The following PKHD1 variants were observed in gnomAD, a reference collection of about 807,000 sequenced individuals.
PKHD1 encodes PKHD1 ciliary IPT domain containing fibrocystin/polyductin.
In PKHD1, 291 loss-of-function variants were observed where a neutral mutation model predicts 412.0. The ratio of observed to expected loss-of-function variants is 0.71; its 90% CI spans 0.64 to 0.78. The LOEUF (loss-of-function observed/expected upper bound fraction) is 0.78, where lower values mean the gene tolerates loss of function less well. PKHD1 is among the 30% of genes least tolerant of loss of function. PKHD1 has a pLI of 0.00. For missense variants in PKHD1, 4,825 were observed against 4,950.7 expected (o/e 0.97, Z 0.76); for synonymous variants, 1,777 against 1,821.5 (o/e 0.98, Z 0.62).
intron 61 of PKHD1, among the ~76,000 whole-genome samples, chr6:51,657,630 A>G (rs1581880906): frequency 2.0e-5 from 3 of 152,266 alleles, no homozygotes; most frequent in Non-Finnish European, 4.4e-5. Flanking sequence ...GGCTATGACA[A>G]ATGGTGGGTG....
chr6:52,084,716 C>G (rs1162480253), intron 2 of PKHD1, among the ~76,000 whole-genome samples, 166 bp downstream of exon 2: 1 of 152,186 alleles, frequency 6.6e-6, no homozygotes, highest in Admixed American at 6.5e-5. Flanking sequence ...AATACCTTAA[C>G]ACCTGCTCTG....
At chr6:51,671,329 G>C (rs2150503381) in intron 60 of PKHD1, among the ~76,000 whole-genome samples, 1 of 152,178 alleles carries the variant, frequency 6.6e-6, no homozygotes, top group South Asian at 2.1e-4. Context: ...CTGTCTTCCA[G>C]TTGATCGCAT....
intron 48 of PKHD1, among the ~76,000 whole-genome samples, chr6:51,865,124 G>T (rs1357840567): frequency 6.6e-6 from 1 of 152,118 alleles, no homozygotes; most frequent in Non-Finnish European, 1.5e-5. Context: ...GGGGAAGCTG[G>T]TAGAAACAGA....
intron 35 of PKHD1, among the ~76,000 whole-genome samples, chr6:51,997,899 T>A (rs1373243756): frequency 6.6e-6 from 1 of 152,216 alleles, no homozygotes; most frequent in Non-Finnish European, 1.5e-5. Context: ...GCTTAACTTG[T>A]CATACTTGCC....
intron 37 of PKHD1, among the ~76,000 whole-genome samples, chr6:51,927,685 C>T (rs1230372778): frequency 6.6e-6 from 1 of 152,136 alleles, no homozygotes. Flanking sequence ...GCATATGCAG[C>T]CTATTTGCTC....
intron 52 of PKHD1, among the ~76,000 whole-genome samples, chr6:51,808,475 A>G (rs1002247143): frequency 1.3e-5 from 2 of 151,830 alleles, no homozygotes; most frequent in Non-Finnish European, 2.9e-5. Flanking sequence ...GAGACTAGTC[A>G]TAATTTTATT....
intron 65 of PKHD1, among the ~76,000 whole-genome samples, chr6:51,631,243 G>C (rs1767889144): frequency 6.6e-6 from 1 of 152,144 alleles, no homozygotes; most frequent in South Asian, 2.1e-4. Context: ...TACATACACT[G>C]AATGTAGATA....
At chr6:51,847,260 A>ATTT (rs981973021) in intron 50 of PKHD1, among the ~76,000 whole-genome samples, 118 of 99,940 alleles carry the variant, frequency 1.2e-3, no homozygotes, top group Middle Eastern at 9.1e-3. Context: ...CATGCCCAGC[A>ATTT]TTTTTTTTTT....
Position 52,025,451 on chromosome 6 carries a change from A to G in PKHD1, c.4359T>C (p.Pro1453=). Residue 1453 remains proline, a synonymous_variant, in exon 32 of 67, where the codon CCT becomes CCC. Transcript: ENST00000371117. Reference sequence around the variant, plus strand: ...TGACGTTCAGGGAGAAGGAAGCTCCAGGCAAGGGGTCACCCTCCAGGCTAA... The same window carrying G: ...TGACGTTCAGGGAGAAGGAAGCTCCGGGCAAGGGGTCACCCTCCAGGCTAA... ...CQVSLEGDPL[P]GASFSLNVTV... 2 of 1,607,210 alleles carry G rather than the reference A, an allele frequency of 1.2e-6. No homozygotes were observed. The highest frequency in any genetic ancestry group is 1.7e-6 in the Non-Finnish European group (2 of 1,175,776).
intron 60 of PKHD1, among the ~76,000 whole-genome samples, chr6:51,744,053 T>G (rs1784894213): frequency 6.6e-6 from 1 of 152,176 alleles, no homozygotes; most frequent in African/African-American, 2.4e-5. Flanking sequence ...CAGACCAGTA[T>G]GAAACACTGA....
At chr6:51,817,303 G>A (rs1326936216) in intron 52 of PKHD1, among the ~76,000 whole-genome samples, 6 of 148,822 alleles carry the variant, frequency 4.0e-5, no homozygotes, top group African/African-American at 1.5e-4. Context: ...ATAGGATCTT[G>A]CCCACTTCTC....
rs1489095320 is a variant in PKHD1, at chr6:51,887,223, C to G, written c.7019G>C (p.Gly2340Ala). ...VIEGNRVCGAGYGYFFHLMTN... is the reference protein window; with the variant it reads ...VIEGNRVCGAAYGYFFHLMTN... ...CATGAGATGGAAAAAGTAGCCATAG[C>G]CAGCACCACACACTCTGTTCCCCTA... The change falls in exon 44 of 67, where the codon GGC (glycine) becomes GCC (alanine). Residue 2340 changes from glycine to alanine, a missense_variant. Physicochemically the swap from Gly to Ala is moderately conservative, Grantham distance 60. Transcript: ENST00000371117. The G allele has an allele frequency of 1.9e-6, 3 of 1,610,128 alleles. No individual in the cohort carries two copies. Among genetic ancestry groups the G allele is most frequent in the Non-Finnish European group, 2.5e-6 (3 of 1,176,520 alleles).
At chr6:52,072,221 A>G (rs1374143187) in intron 7 of PKHD1, 32 bp from the exon 8 acceptor site, 21 of 1,382,376 alleles carry the variant, frequency 1.5e-5, no homozygotes, top group Middle Eastern at 1.8e-4. Flanking sequence ...AACAAAAGAC[A>G]AGAGATAATT....
chr6:52,018,932 T>C (rs1800965227), intron 33 of PKHD1, among the ~76,000 whole-genome samples: 1 of 152,180 alleles, frequency 6.6e-6, no homozygotes. Flanking sequence ...CTTGGATAAG[T>C]TTATGAATTT....
At chr6:51,889,970 A>C (rs1297783770) in intron 43 of PKHD1, among the ~76,000 whole-genome samples, 1 of 152,110 alleles carries the variant, frequency 6.6e-6, no homozygotes, top group Admixed American at 6.6e-5. Context: ...TGCCCAGCTC[A>C]GTGCAAGTTA....
intron 34 of PKHD1, among the ~76,000 whole-genome samples, chr6:52,015,236 T>G (rs1359441367): frequency 6.6e-6 from 1 of 152,256 alleles, no homozygotes; most frequent in Non-Finnish European, 1.5e-5. Flanking sequence ...TCTTTATTAC[T>G]AAAACTTGTT....
chr6:52,065,299 A>G lies in PKHD1; in HGVS notation c.881-249T>C, dbSNP rs532751035. On this transcript the variant is annotated intron_variant, in intron 12 of 66. Coordinates refer to ENST00000371117, the MANE Select transcript of PKHD1 (RefSeq NM_138694.4). ...AGGGCTGGGTGTGGATGGAATAGCG[A>G]AAGTTGTCACCCCAATTGAAGGAGA... 0.013 allele frequency among the ~76,000 whole-genome samples: 1,931 copies of G among 151,568 alleles called. 22 individuals carry two copies. Among genetic ancestry groups the G allele is most frequent in the South Asian group, 0.037 (177 of 4,754 alleles).
At chr6:51,795,275 C>T (rs6910779) in intron 52 of PKHD1, among the ~76,000 whole-genome samples, 89,839 of 151,988 alleles carry the variant, frequency 0.59, 27,218 homozygotes, top group East Asian at 0.83. Context: ...AGGTATTTTA[C>T]TCTTCTTGTG....
intron 37 of PKHD1, among the ~76,000 whole-genome samples, chr6:51,918,126 G>A (rs1784111793): frequency 6.6e-6 from 1 of 151,898 alleles, no homozygotes; most frequent in African/African-American, 2.4e-5. Flanking sequence ...GGACTTTGTT[G>A]ACCTGTTTTA....
Sources: allele counts gnomAD v4.1 joint callset (sites outside exome capture counted in the v4.1 genomes callset), GRCh38; gene constraint gnomAD v4.1.1; transcripts MANE v1.5; gene names NCBI Gene and HGNC (gene_info 2026-07-23, HGNC 2026-07-21).